The following INTS8 variants were observed in gnomAD, a reference collection of about 807,000 sequenced individuals.
INTS8 encodes integrator complex subunit 8, also known as protein kaonashi-1.
A neutral mutation model predicts 138.9 loss-of-function variants in INTS8; 47 were observed. The observed-to-expected ratio is 0.34, with a 90% confidence interval of 0.27 to 0.43. INTS8 has a LOEUF of 0.43. INTS8 is among the 20% of genes least tolerant of loss of function. INTS8 has a pLI of 1.00. For missense variants in INTS8, 996 were observed against 1,173.0 expected (o/e 0.85, Z 2.20); for synonymous variants, 392 against 400.9 (o/e 0.98, Z 0.27).
chr8:94,825,717 CA>C (rs1814473669), intron 2 of INTS8, among the ~76,000 whole-genome samples: 1 of 152,074 alleles, frequency 6.6e-6, no homozygotes, highest in South Asian at 2.1e-4. Flanking sequence ...TAAATAATTT[CA>C]AGCCTTTTAT....
intron 18 of INTS8, 23 bp downstream of exon 18, chr8:94,866,214 C>T: frequency 8.0e-7 from 1 of 1,247,306 alleles, no homozygotes; most frequent in South Asian, 1.3e-5. Context: ...AAAAATTGCT[C>T]TAATTACTAT....
chr8:94,874,197 A>C (rs924829586), intron 22 of INTS8, among the ~76,000 whole-genome samples: 2 of 150,782 alleles, frequency 1.3e-5, no homozygotes, highest in African/African-American at 4.9e-5. Flanking sequence ...CATTTGACCT[A>C]CTTCTTCCCA....
chr8:94,853,888 C>T lies in INTS8; in HGVS notation c.1725C>T (p.Ala575=), dbSNP rs1815645314. The T allele has an allele frequency of 8.1e-6, 13 of 1,602,634 alleles. No homozygotes were observed. The highest frequency in any genetic ancestry group is 1.1e-5 in the Non-Finnish European group (13 of 1,169,770). The change falls in exon 14 of 27, where the codon GCC becomes GCT. Residue 575 remains alanine (A), a synonymous_variant. Coordinates refer to ENST00000523731, the MANE Select transcript of INTS8 (RefSeq NM_017864.4). ...LTRDLVYILM[A]KGLHCSTVKD... is the part of the protein sequence containing the mutation. ...GAGATTTGGTTTATATTCTTATGGC[C>T]AAAGGTTTGCACTGCAGTACTGTTA...
In INTS8 at chr8:94,842,400, G is replaced by A. The variant is rs182178701; in HGVS notation, c.1172G>A (p.Arg391His). ...AAAGTTTGTGCCTGTAATACAGTCC[G>A]TGATATACTGGAAGGCAGAACAATT... ...CFKVCACNTV[R>H]DILEGRTISV... Residue 391 changes from arginine (R) to histidine (H), a missense_variant, in exon 10 of 27, where the codon CGT (arginine) becomes CAT (histidine). Transcript: ENST00000523731. 110 of 1,603,242 alleles carry A rather than the reference G, an allele frequency of 6.9e-5. No homozygotes were observed. Among genetic ancestry groups the A allele is most frequent in the Non-Finnish European group, 8.5e-5 (99 of 1,170,486 alleles).
At chr8:94,853,182 C>T (rs181447868) in intron 13 of INTS8, among the ~76,000 whole-genome samples, 15 of 152,054 alleles carry the variant, frequency 9.9e-5, no homozygotes, top group East Asian at 5.8e-4. Flanking sequence ...CATGGTGGCG[C>T]GCACCTGTAT....
At chr8:94,874,485 G>C in intron 22 of INTS8, 67 bp from the exon 23 acceptor site, 1 of 859,634 alleles carries the variant, frequency 1.2e-6, no homozygotes, top group South Asian at 1.4e-5. Flanking sequence ...TCCCATACCA[G>C]AGTGACACAT....
At chr8:94,846,571 G>A (rs530307622) in intron 10 of INTS8, among the ~76,000 whole-genome samples, 1 of 152,288 alleles carries the variant, frequency 6.6e-6, no homozygotes, top group East Asian at 1.9e-4. Flanking sequence ...ACCACACCCA[G>A]CCTCTTTTTA....
intron 17 of INTS8, 24 bp downstream of exon 17, chr8:94,865,714 A>C: frequency 6.3e-7 from 1 of 1,599,056 alleles, no homozygotes; most frequent in Non-Finnish European, 8.6e-7. Context: ...CGTTTCTATT[A>C]GTTGTGTTTG....
intron 26 of INTS8, 90 bp from the exon 27 acceptor site, chr8:94,880,025 CGTT>C (rs1213202205): frequency 6.2e-6 from 5 of 801,532 alleles, no homozygotes; most frequent in African/African-American, 3.5e-5. Context: ...TAAACTGTAT[CGTT>C]GTTAGCACGT....
intron 15 of INTS8, among the ~76,000 whole-genome samples, chr8:94,858,415 C>T (rs1815831698): frequency 6.6e-6 from 1 of 152,138 alleles, no homozygotes; most frequent in Non-Finnish European, 1.5e-5. Flanking sequence ...ATTGTAATGT[C>T]TTCATGAGGA....
chr8:94,866,878 G>A, intron 18 of INTS8: 1 of 382,560 alleles, frequency 2.6e-6, no homozygotes, highest in South Asian at 6.5e-5. Context: ...TGAGAGTCAT[G>A]TGAGGAGTTG....
chr8:94,834,363 G>T lies in INTS8; in HGVS notation c.754-2161G>T, dbSNP rs1291179245. Among the ~76,000 whole-genome samples the T allele has an allele frequency of 4.0e-4, 6 of 15,062 alleles. No homozygotes were observed. In the East Asian group the frequency reaches 0.045, roughly 112 times the overall value. The allele number at this position is 15,062 out of a possible 152,430, so 9.9% of individuals were successfully genotyped here. ...AGTAAGTATGCATATATGTGCATGG[G>T]TGTGTGTGTGTGTGTGTGTGTGTGT... is the stretch of plus-strand genomic sequence containing the variant. On this transcript the variant is annotated intron_variant, in intron 6 of 26. Transcript: ENST00000523731.
chr8:94,835,692 C>T (rs1210120781), intron 6 of INTS8, among the ~76,000 whole-genome samples: 2 of 151,996 alleles, frequency 1.3e-5, no homozygotes, highest in African/African-American at 2.4e-5. Context: ...CTCTGCCTCC[C>T]GGGTTCAAGC....
chr8:94,847,356 T>C (rs1257946835), intron 10 of INTS8, among the ~76,000 whole-genome samples: 1 of 152,166 alleles, frequency 6.6e-6, no homozygotes, highest in East Asian at 1.9e-4. Flanking sequence ...CACACATTTT[T>C]TTCTTTCTTG....
intron 26 of INTS8, among the ~76,000 whole-genome samples, chr8:94,878,038 G>A (rs1816626172): frequency 6.6e-6 from 1 of 152,180 alleles, no homozygotes; most frequent in Non-Finnish European, 1.5e-5. Flanking sequence ...CCCCTGCTAT[G>A]ATAGAACTAC....
At chr8:94,834,719 AAGTC>A (rs1267420180) in intron 6 of INTS8, among the ~76,000 whole-genome samples, 1 of 151,984 alleles carries the variant, frequency 6.6e-6, no homozygotes, top group Non-Finnish European at 1.5e-5. Flanking sequence ...AAAAAAAAAA[AAGTC>A]AGCCAAACAT....
intron 22 of INTS8, among the ~76,000 whole-genome samples, chr8:94,874,182 T>C (rs1045968132): frequency 1.3e-5 from 2 of 152,096 alleles, no homozygotes; most frequent in South Asian, 4.1e-4. Context: ...ATTGCAAATT[T>C]GTGCCATTTG....
chr8:94,836,019 C>T (rs538516119), intron 6 of INTS8, among the ~76,000 whole-genome samples: 1 of 152,298 alleles, frequency 6.6e-6, no homozygotes, highest in Admixed American at 6.5e-5. Context: ...TAGACTGAAT[C>T]ATGAGCTGGT....
intron 13 of INTS8, among the ~76,000 whole-genome samples, chr8:94,852,383 TTATC>T (rs542419119): frequency 3.3e-4 from 50 of 152,334 alleles, no homozygotes; most frequent in African/African-American, 1.1e-3. Context: ...GTTTCTGAGT[TTATC>T]TATTAGAAAG....
Sources: gnomAD v4.1 joint callset for allele counts (sites outside exome capture counted in the v4.1 genomes callset) on GRCh38, gnomAD v4.1.1 for gene constraint, MANE v1.5 for transcripts, NCBI Gene and HGNC (gene_info 2026-07-23, HGNC 2026-07-21) for gene names.